The following ASIP variants were observed in gnomAD, a reference collection of about 807,000 sequenced individuals.
The protein encoded by ASIP is agouti-signaling protein.
Under a neutral mutation model 10.3 loss-of-function variants are expected in ASIP, and 11 were observed. The observed-to-expected ratio is 1.07, with a 90% CI of 0.68 to 1.78. The LOEUF (loss-of-function observed/expected upper bound fraction) is 1.78, where lower values mean the gene tolerates loss of function less well. Among genes scored for constraint, ASIP ranks in the 40% most tolerant of loss-of-function variants. The pLI is 0.00. For synonymous variants in ASIP, 70 were observed against 70.8 expected, an observed-to-expected ratio of 0.99 and a Z score of 0.06; for missense variants, 180 against 169.2, an observed-to-expected ratio of 1.06 and a Z score of -0.35.
At chr20:34,195,462 G>A (rs544312481) in intron 1 of ASIP, among the ~76,000 whole-genome samples, 1 of 152,298 alleles carries the variant, frequency 6.6e-6, no homozygotes, top group East Asian at 1.9e-4. Flanking sequence ...AAGCCACAGG[G>A]ATCTCATTAA....
intron 1 of ASIP, among the ~76,000 whole-genome samples, chr20:34,207,039 A>G (rs960435048): frequency 6.6e-6 from 1 of 152,228 alleles, no homozygotes; most frequent in Admixed American, 6.5e-5. Flanking sequence ...TTGCTGGATC[A>G]TATGGTAGTT....
intron 1 of ASIP, among the ~76,000 whole-genome samples, chr20:34,236,312 G>C (rs1022065122): frequency 1.3e-5 from 2 of 152,198 alleles, no homozygotes; most frequent in Non-Finnish European, 2.9e-5. Context: ...GGCCGAAGCG[G>C]GCAGATCACC....
intron 1 of ASIP, among the ~76,000 whole-genome samples, chr20:34,243,791 G>T (rs930632509): frequency 6.6e-6 from 1 of 150,956 alleles, no homozygotes; most frequent in Non-Finnish European, 1.5e-5. Flanking sequence ...CTCGCCGGGC[G>T]CGGTGGCTCA....
At chr20:34,211,160 C>T (rs1001800616) in intron 1 of ASIP, among the ~76,000 whole-genome samples, 3 of 152,148 alleles carry the variant, frequency 2.0e-5, no homozygotes, top group Admixed American at 1.3e-4. Context: ...CTCCCAGGTA[C>T]CTAGGACTGC....
chr20:34,225,732 A>G (rs2035088397), intron 1 of ASIP, among the ~76,000 whole-genome samples: 1 of 151,962 alleles, frequency 6.6e-6, no homozygotes, highest in Non-Finnish European at 1.5e-5. Context: ...CTTTTTTTGT[A>G]TAAGTTCTCA....
chr20:34,251,942 T>C (rs996259655), intron 1 of ASIP, among the ~76,000 whole-genome samples: 1 of 152,234 alleles, frequency 6.6e-6, no homozygotes, highest in African/African-American at 2.4e-5. Flanking sequence ...TTCCGTTGTT[T>C]AGAAACCACC....
chr20:34,253,794 G>A (rs527603746), intron 1 of ASIP, among the ~76,000 whole-genome samples: 7 of 152,194 alleles, frequency 4.6e-5, no homozygotes, highest in Admixed American at 4.6e-4. Context: ...AGACCTAGGT[G>A]GACCTAGGGT....
At chr20:34,233,911 A>G (rs969981360) in intron 1 of ASIP, among the ~76,000 whole-genome samples, 1 of 152,238 alleles carries the variant, frequency 6.6e-6, no homozygotes, top group African/African-American at 2.4e-5. Context: ...ACCAGGAGCC[A>G]GTCAACACTC....
intron 3 of ASIP, among the ~76,000 whole-genome samples, chr20:34,263,712 AG>A (rs2035736995): frequency 6.9e-6 from 1 of 145,400 alleles, no homozygotes; most frequent in Non-Finnish European, 1.5e-5. Context: ...CTCGTTGCCC[AG>A]GCCAGAGTTC....
At chr20:34,257,060 C>CTCTTTTTTTTTTTTT (rs2035581815) in intron 1 of ASIP, among the ~76,000 whole-genome samples, 1 of 122,368 alleles carries the variant, frequency 8.2e-6, no homozygotes. Context: ...TTCTCTCTCT[C>CTCTTTTTTTTTTTTT]TTTCTTTCTC....
chr20:34,260,619 C>T (rs773596304), intron 2 of ASIP, 85 bp downstream of exon 2: 135 of 1,388,070 alleles, frequency 9.7e-5, no homozygotes, highest in Non-Finnish European at 1.3e-4. Context: ...CCAGGATCCA[C>T]CGCCATGGTC....
chr20:34,245,840 G>A, intron 1 of ASIP: 2 of 765,200 alleles, frequency 2.6e-6, no homozygotes, highest in Non-Finnish European at 3.3e-6. Context: ...TTTTACTGTA[G>A]AATATATATA....
intron 1 of ASIP, chr20:34,214,543 C>T (rs904096773): frequency 8.5e-5 from 128 of 1,503,522 alleles, no homozygotes; most frequent in Non-Finnish European, 1.1e-4. Context: ...TTCCATGAAC[C>T]GTGTAGTCTG....
intron 3 of ASIP, among the ~76,000 whole-genome samples, chr20:34,263,906 G>C (rs976282162): frequency 8.6e-5 from 13 of 151,896 alleles, no homozygotes; most frequent in Admixed American, 7.9e-4. Flanking sequence ...CCTGACCTCA[G>C]GTGATCCACC....
At chr20:34,233,898 T>C (rs1392236996) in intron 1 of ASIP, among the ~76,000 whole-genome samples, 2 of 152,162 alleles carry the variant, frequency 1.3e-5, no homozygotes, top group African/African-American at 4.8e-5. Context: ...ATGTCACCAA[T>C]TTACCAGGAG....
chr20:34,214,249 T>C, intron 1 of ASIP: 1 of 1,400,984 alleles, frequency 7.1e-7, no homozygotes. Context: ...CTCTGAACTT[T>C]TGCACTGGAA....
intron 1 of ASIP, among the ~76,000 whole-genome samples, chr20:34,258,690 T>C (rs866296953): frequency 1.2e-4 from 9 of 72,298 alleles, no homozygotes; most frequent in Admixed American, 4.1e-4. Flanking sequence ...TATATATATA[T>C]ACATACTATA....
At chr20:34,256,838 T>A in intron 1 of ASIP, among the ~76,000 whole-genome samples, 1 of 152,084 alleles carries the variant, frequency 6.6e-6, no homozygotes, top group East Asian at 1.9e-4. Context: ...AACAGTGCAG[T>A]GGTACAATCA....
At chr20:34,200,201 C>T (rs1471922557) in intron 1 of ASIP, among the ~76,000 whole-genome samples, 1 of 152,104 alleles carries the variant, frequency 6.6e-6, no homozygotes, top group Admixed American at 6.6e-5. Flanking sequence ...GTAACTGGTT[C>T]CTTTTTTTAA....
Sources: gnomAD v4.1 joint callset for allele counts (sites outside exome capture counted in the v4.1 genomes callset) on GRCh38, gnomAD v4.1.1 for gene constraint, MANE v1.5 for transcripts, NCBI Gene and HGNC (gene_info 2026-07-23, HGNC 2026-07-21) for gene names.